Variants in RASAL2 observed in about 807,000 individuals in gnomAD.
The protein encoded by RASAL2 is ras GTPase-activating protein nGAP.
A neutral mutation model predicts 128.9 loss-of-function variants in RASAL2; 58 were observed. The observed-to-expected ratio is 0.45, with a 90% CI of 0.36 to 0.56. The LOEUF (loss-of-function observed/expected upper bound fraction) is 0.56. RASAL2 is among the 20% of genes least tolerant of loss of function. RASAL2 has a pLI of 0.00. For missense variants in RASAL2, 1,360 were observed against 1,601.6 expected (o/e 0.85, Z 2.57); for synonymous variants, 561 against 580.8 (o/e 0.97, Z 0.49).
At chr1:178,330,237 G>T (rs1020180346) in intron 3 of RASAL2, among the ~76,000 whole-genome samples, 1 of 152,168 alleles carries the variant, frequency 6.6e-6, no homozygotes. Context: ...TTGGGCTAAT[G>T]CTAGATCATA....
chr1:178,427,580 AT>A (rs1301080768), intron 5 of RASAL2, among the ~76,000 whole-genome samples: 2 of 152,112 alleles, frequency 1.3e-5, no homozygotes, highest in African/African-American at 4.8e-5. Flanking sequence ...ATTAATTAGA[AT>A]TTTTTAACTT....
At chr1:178,108,649 A>G (rs757777371) in intron 1 of RASAL2, among the ~76,000 whole-genome samples, 7 of 152,234 alleles carry the variant, frequency 4.6e-5, no homozygotes, top group African/African-American at 9.6e-5. Context: ...TAATCACTAT[A>G]TAATTTGACT....
At chr1:178,105,437 A>AGTTT (rs1232665853) in intron 1 of RASAL2, among the ~76,000 whole-genome samples, 1 of 152,226 alleles carries the variant, frequency 6.6e-6, no homozygotes, top group Non-Finnish European at 1.5e-5. Context: ...AACTTTTAAC[A>AGTTT]ATGACTTAAA....
At chr1:178,288,865 G>T (rs1667152908) in intron 2 of RASAL2, among the ~76,000 whole-genome samples, 1 of 151,734 alleles carries the variant, frequency 6.6e-6, no homozygotes, top group Non-Finnish European at 1.5e-5. Flanking sequence ...TGGCCAGGCT[G>T]GACTCGAACT....
Position 178,473,077 on chromosome 1 carries a change from A to G in RASAL2, c.3681A>G (p.Glu1227=). ...AAGCCATGATTGGTGTGTTGTAGGA[A>G]AAACGGATCGTGTCCCTGGATTCAG... is the stretch of plus-strand genomic sequence containing the variant. The part of the protein sequence containing the change: ...DAKQKIIDAQ[E]KRIVSLDSAN... The change falls in exon 18 of 18, where the codon GAA becomes GAG. Residue 1227 remains glutamate (E), a splice_region_variant and synonymous_variant. Coordinates refer to ENST00000367649, the MANE Select transcript of RASAL2 (RefSeq NM_170692.4). 1 of 1,614,138 alleles carries G rather than the reference A, an allele frequency of 6.2e-7. No homozygotes were observed. The highest frequency in any genetic ancestry group is 1.1e-5 in the South Asian group (1 of 91,076).
chr1:178,428,603 T>C (rs533690521), intron 5 of RASAL2, among the ~76,000 whole-genome samples: 20 of 151,910 alleles, frequency 1.3e-4, no homozygotes, highest in African/African-American at 4.3e-4. Flanking sequence ...TATATATATT[T>C]TTAAGAGACA....
chr1:178,397,220 C>A (rs1673293448), intron 4 of RASAL2, among the ~76,000 whole-genome samples: 1 of 152,130 alleles, frequency 6.6e-6, no homozygotes, highest in South Asian at 2.1e-4. Context: ...GTAGTCATAA[C>A]CCAAATGTCT....
At chr1:178,390,936 A>G (rs2102608358) in intron 4 of RASAL2, among the ~76,000 whole-genome samples, 1 of 152,214 alleles carries the variant, frequency 6.6e-6, no homozygotes, top group African/African-American at 2.4e-5. Context: ...GCAGAGAGTG[A>G]CGAGACTCAG....
At chr1:178,180,101 CGTT>C (rs1251339492) in intron 1 of RASAL2, among the ~76,000 whole-genome samples, 1 of 151,968 alleles carries the variant, frequency 6.6e-6, no homozygotes, top group Non-Finnish European at 1.5e-5. Context: ...ATAATCCTGT[CGTT>C]GTATGTAGCT....
At chr1:178,433,917 C>CAAAAAAAAAAAAAAAAAAAAA (rs961906192) in intron 5 of RASAL2, among the ~76,000 whole-genome samples, 1 of 140,890 alleles carries the variant, frequency 7.1e-6, no homozygotes. Flanking sequence ...AACTATGTCT[C>CAAAAAAAAAAAAAAAAAAAAA]AAAAAAAAAA....
intron 3 of RASAL2, among the ~76,000 whole-genome samples, chr1:178,362,721 T>TG (rs1168328738): frequency 6.6e-6 from 1 of 152,022 alleles, no homozygotes; most frequent in Non-Finnish European, 1.5e-5. Flanking sequence ...TTTTTCATTA[T>TG]GTTTTTTTTT....
At chr1:178,162,392 A>AT (rs1661346189) in intron 1 of RASAL2, among the ~76,000 whole-genome samples, 1 of 114,806 alleles carries the variant, frequency 8.7e-6, no homozygotes, top group African/African-American at 3.4e-5. Flanking sequence ...TATATTATAT[A>AT]TATTATATAT....
chr1:178,221,897 G>A (rs1045636204), intron 1 of RASAL2, among the ~76,000 whole-genome samples: 11 of 152,084 alleles, frequency 7.2e-5, no homozygotes, highest in Admixed American at 2.0e-4. Context: ...TGTATTTCTC[G>A]TTGGCATCTC....
At chr1:178,231,517 T>G (rs967804629) in intron 1 of RASAL2, among the ~76,000 whole-genome samples, 4 of 152,234 alleles carry the variant, frequency 2.6e-5, no homozygotes, top group African/African-American at 9.6e-5. Flanking sequence ...TGTCTTCTAT[T>G]GAACAGAAGT....
chr1:178,335,526 A>G (rs1231050567), intron 3 of RASAL2, among the ~76,000 whole-genome samples: 2 of 152,126 alleles, frequency 1.3e-5, no homozygotes, highest in African/African-American at 4.8e-5. Flanking sequence ...TCCTTACTCA[A>G]TCTATTCCCT....
intron 3 of RASAL2, among the ~76,000 whole-genome samples, chr1:178,389,643 C>T (rs1007038348): frequency 6.6e-6 from 1 of 152,202 alleles, no homozygotes; most frequent in Admixed American, 6.5e-5. Context: ...TCTGGTGAAT[C>T]ATCTTATCTG....
rs202068974 is a variant in RASAL2 at position 178,464,450 on chromosome 1, A to G, written c.3387+38A>G. The G allele has an allele frequency of 5.2e-5, 84 of 1,605,060 alleles. No individual in the cohort carries two copies. In the Middle Eastern group the frequency reaches 1.4e-3, roughly 26 times the overall value. The stretch of plus-strand genomic sequence containing the variant: ...CTGCTTCATCAACTTTCTGATCCCA[A>G]AATGACAGGCCACTAAAAAGGTTAT... On this transcript the variant is annotated intron_variant, in intron 15 of 17. Transcript: ENST00000367649.
rs529936171 is a variant in RASAL2 at position 178,217,704 on chromosome 1, CAG to C, written c.203-65855_203-65854del. 7.9e-5 allele frequency among the ~76,000 whole-genome samples: 12 copies of C among 152,310 alleles called. No individual in the cohort carries two copies. The South Asian group carries it at 2.3e-3, about 29-fold the overall frequency. ...AACTGCTAATGATCATCTGAGCCTT[CAG>C]AGAGTTGTAATCTTTTTGTTGAAGA... On this transcript the variant is annotated intron_variant, in intron 1 of 17. Coordinates refer to ENST00000367649, the MANE Select transcript of RASAL2 (RefSeq NM_170692.4).
chr1:178,104,359 A>G (rs1233508919), intron 1 of RASAL2, among the ~76,000 whole-genome samples: 2 of 152,124 alleles, frequency 1.3e-5, no homozygotes, highest in Non-Finnish European at 2.9e-5. Flanking sequence ...AGTATCACAC[A>G]GCTTTATTGT....
Sources: allele counts gnomAD v4.1 joint callset (sites outside exome capture counted in the v4.1 genomes callset), GRCh38; gene constraint gnomAD v4.1.1; transcripts MANE v1.5; gene names NCBI Gene and HGNC (gene_info 2026-07-23, HGNC 2026-07-21).